RNF135: variants seen among roughly 807,000 people sequenced by gnomAD.
The protein encoded by RNF135 is ring finger protein 135.
In RNF135, 46 loss-of-function variants were observed where a neutral mutation model predicts 41.9. The observed-to-expected ratio is 1.10, with a 90% confidence interval of 0.87 to 1.40. The LOEUF is 1.40. Among genes scored for constraint, RNF135 ranks in the 40% most tolerant of loss-of-function variants. The pLI, the probability that RNF135 is intolerant of heterozygous loss-of-function variation, is 0.00. For missense variants in RNF135, 539 were observed against 549.8 expected (o/e 0.98, Z 0.20); for synonymous variants, 238 against 223.8 (o/e 1.06, Z -0.57).
intron 3 of RNF135, among the ~76,000 whole-genome samples, chr17:30,996,035 C>T (rs1429284097): frequency 2.0e-5 from 3 of 151,344 alleles, no homozygotes; most frequent in African/African-American, 4.9e-5. Context: ...CCTCAGCCTC[C>T]CAAAGTATTG....
rs528821116 is a variant in RNF135, at chr17:30,999,876, C to T, written c.*685C>T. 5.9e-5 allele frequency: 9 copies of T among 153,774 alleles called. No individual in the cohort carries two copies. Among genetic ancestry groups the T allele is most frequent in the Admixed American group, 4.5e-4 (7 of 15,512 alleles). The allele number at this position is 153,774 out of a possible 1,614,324, so 9.5% of individuals were successfully genotyped here. On this transcript the variant is annotated 3_prime_UTR_variant, in exon 5 of 5. Coordinates refer to ENST00000328381, the MANE Select transcript of RNF135 (RefSeq NM_032322.4). ...TTCATTGCTGATTTTAATCTGTATCCTTTCACTGTAATAAACTGTAACTAT... is the reference window on the plus strand; with the variant it reads ...TTCATTGCTGATTTTAATCTGTATCTTTTCACTGTAATAAACTGTAACTAT...
intron 1 of RNF135, among the ~76,000 whole-genome samples, chr17:30,979,896 C>A (rs1479138495): frequency 7.8e-6 from 1 of 127,496 alleles, no homozygotes; most frequent in East Asian, 2.5e-4. Context: ...GGGCGGCTGG[C>A]CGGGCAGAGG....
intron 1 of RNF135, chr17:30,975,879 C>T: frequency 1.5e-6 from 1 of 680,982 alleles, no homozygotes; most frequent in Non-Finnish European, 2.6e-6. Context: ...GGCTTCTACC[C>T]CATTTTGGAA....
chr17:30,988,501 C>T (rs1907757607), intron 3 of RNF135, among the ~76,000 whole-genome samples: 2 of 129,844 alleles, frequency 1.5e-5, no homozygotes, highest in Admixed American at 8.9e-5. Context: ...CATCTGGGCT[C>T]ACTGCAAGCT....
chr17:30,969,295 A>G (rs1461132302), upstream of RNF135: 1 of 152,244 alleles, frequency 6.6e-6, no homozygotes, highest in Non-Finnish European at 1.5e-5. Flanking sequence ...CTTAGAAACT[A>G]CGATTTTACT....
intron 1 of RNF135, among the ~76,000 whole-genome samples, chr17:30,982,497 T>G (rs952189): frequency 6.6e-6 from 1 of 152,066 alleles, no homozygotes; most frequent in African/African-American, 2.4e-5. Context: ...GGGATATGGG[T>G]TGCATTGGCA....
At chr17:30,981,019 A>T (rs906852640) in intron 1 of RNF135, among the ~76,000 whole-genome samples, 2 of 145,044 alleles carry the variant, frequency 1.4e-5, no homozygotes, top group African/African-American at 5.3e-5. Context: ...GGCGGCTGGG[A>T]GGTGGTTGTA....
intron 1 of RNF135, among the ~76,000 whole-genome samples, chr17:30,975,156 GAAAAAAA>G (rs991395869): frequency 6.8e-6 from 1 of 146,044 alleles, no homozygotes; most frequent in African/African-American, 2.5e-5. Context: ...GAGACCCAAT[GAAAAAAA>G]AAAGAAAAAA....
rs1299363534 is a variant in RNF135 at position 30,971,210 on chromosome 17, A to C, written c.137A>C (p.Glu46Ala). The part of the protein sequence containing the change: ...CGHSFCRHCL[E>A]ALWGARDARR... ...CACAGCTTCTGCCGCCACTGCCTGG[A>C]GGCCCTGTGGGGCGCCCGCGACGCC... Residue 46 changes from glutamate (E) to alanine (A), a missense_variant, in exon 1 of 5, where the codon GAG becomes GCG. By Grantham distance (107) the Glu-to-Ala change is moderately radical. This residue lies in a region of RNF135 where 277 missense variants were observed against 212.8 expected (regional missense o/e 1.30). Transcript: ENST00000328381. The C allele has an allele frequency of 2.0e-6, 3 of 1,522,010 alleles. No individual in the cohort carries two copies. In the South Asian group the frequency reaches 3.6e-5, roughly 18 times the overall value. 94.3% of individuals were successfully genotyped at this position (1,522,010 alleles called of 1,614,324 possible).
chr17:30,986,110 C>T (rs917391374), intron 2 of RNF135, among the ~76,000 whole-genome samples: 30 of 152,170 alleles, frequency 2.0e-4, no homozygotes, highest in African/African-American at 6.8e-4. Context: ...TGGTTATCAC[C>T]ATTGCACCTT....
the RNF135 span, among the ~76,000 whole-genome samples, chr17:30,960,701 TTTTATTTTATTTTATTTTATTTTATTTTA>T: frequency 5.6e-5 from 6 of 107,688 alleles, no homozygotes; most frequent in South Asian, 2.2e-4. Flanking sequence ...AATATGTAAT[TTTTATTTTATTTTATTTTATTTTATTTTA>T]TTTATTTTAT....
At chr17:30,989,984 CAAAAAAAAAAAA>C (rs10627734) in intron 3 of RNF135, among the ~76,000 whole-genome samples, 1 of 55,324 alleles carries the variant, frequency 1.8e-5, no homozygotes, top group East Asian at 6.2e-4. Flanking sequence ...AACTCTGTCT[CAAAAAAAAAAAA>C]AAAAAAAAAG....
At chr17:30,997,427 C>T (rs760328184) in intron 4 of RNF135, 96 bp downstream of exon 4, 116 of 1,029,344 alleles carry the variant, frequency 1.1e-4, no homozygotes, top group Non-Finnish European at 1.7e-4. Flanking sequence ...AGGGCCACTC[C>T]TTGGCTTACT....
chr17:30,973,673 C>T (rs1212158723), intron 1 of RNF135, among the ~76,000 whole-genome samples: 1 of 152,004 alleles, frequency 6.6e-6, no homozygotes, highest in African/African-American at 2.4e-5. Context: ...TCACTGTGGG[C>T]CAGGCTGGTC....
chr17:30,975,268 A>T, intron 1 of RNF135: 1 of 550,934 alleles, frequency 1.8e-6, no homozygotes, highest in South Asian at 2.1e-5. Context: ...GGCTGCAGTG[A>T]GCTGTTTTCA....
chr17:30,966,018 G>A (rs1180583277), upstream of RNF135, among the ~76,000 whole-genome samples: 1 of 152,178 alleles, frequency 6.6e-6, no homozygotes, highest in Admixed American at 6.6e-5. Context: ...ACTCCTGAAG[G>A]TAAGGGATTA....
In RNF135 at chr17:30,984,716, C is replaced by G; in HGVS notation, c.472C>G (p.Leu158Val). The change falls in exon 2 of 5, where the codon CTA becomes GTA. Residue 158 changes from leucine (L) to valine (V), a missense_variant. Leu to Val is a conservative substitution (Grantham distance 32). Transcript: ENST00000328381. ...CAGAAGCCTGCAGAATCAGAGGCCCCTATCAGAATCTGGACCAGACAACGA... is the reference window on the plus strand; with the variant it reads ...CAGAAGCCTGCAGAATCAGAGGCCCGTATCAGAATCTGGACCAGACAACGA... ...IVRSLQNQRP[L>V]SESGPDNELS... is the part of the protein sequence containing the mutation. The G allele has an allele frequency of 6.2e-7, 1 of 1,614,178 alleles. No individual in the cohort carries two copies. Among genetic ancestry groups the G allele is most frequent in the South Asian group, 1.1e-5 (1 of 91,084 alleles).
Position 30,979,373 on chromosome 17 carries a change from C to T in RNF135, c.373-5244C>T, listed in dbSNP as rs370898343. ...GCTGGCCGGGCGGGGGGCTGTCCCC[C>T]CCACCTCCCTCCCGGACGGGGCGGC... On this transcript the variant is annotated intron_variant, in intron 1 of 4. Transcript: ENST00000328381. Among the ~76,000 whole-genome samples, 1,279 of 130,422 alleles carry T rather than the reference C, an allele frequency of 9.8e-3. 22 individuals carry two copies. In the East Asian group the frequency reaches 0.12, roughly 12 times the overall value. 85.6% of individuals were successfully genotyped at this position (130,422 alleles called of 152,430 possible). A position where few individuals can be genotyped will look rare whatever the true frequency, so the allele number is the denominator to read the frequency against.
intron 1 of RNF135, chr17:30,980,197 GCCGGGCGGGGGGCTGA>G (rs1269070836): frequency 7.2e-6 from 1 of 138,390 alleles, no homozygotes; most frequent in Admixed American, 7.1e-5. Context: ...GGGGCGGCTG[GCCGGGCGGGGGGCTGA>G]CCCCCCCACC....
Sources: gnomAD v4.1 joint callset for allele counts (sites outside exome capture counted in the v4.1 genomes callset) on GRCh38, gnomAD v4.1.1 for gene constraint, gnomAD v4.1.1 regional missense constraint, MANE v1.5 for transcripts, NCBI Gene and HGNC (gene_info 2026-07-23, HGNC 2026-07-21) for gene names.